Variants in CREBRF observed in about 807,000 individuals in gnomAD.
CREBRF encodes the protein UPF0474 protein C5orf41.
Under a neutral mutation model 66.1 loss-of-function variants are expected in CREBRF, and 5 were observed. The observed-to-expected ratio is 0.08, with a 90% CI of 0.04 to 0.16. The LOEUF (loss-of-function observed/expected upper bound fraction) is 0.16, where lower values mean the gene tolerates loss of function less well. Among genes scored for constraint, CREBRF ranks in the 10% least tolerant of loss-of-function variants. The pLI, the probability that CREBRF is intolerant of heterozygous loss-of-function variation, is 1.00. For missense variants in CREBRF, 531 were observed against 744.9 expected (o/e 0.71, Z 3.34); for synonymous variants, 229 against 264.4 (o/e 0.87, Z 1.30).
chr5:173,091,447 A>C lies in CREBRF; in HGVS notation c.1222+46A>C, dbSNP rs751407682. Reference sequence around the variant, plus strand: ...TTACCAGACTGACCTTTGTATTACTATTTTGAAATAGAAAGGTTTTTGTTT... The same window carrying C: ...TTACCAGACTGACCTTTGTATTACTCTTTTGAAATAGAAAGGTTTTTGTTT... On this transcript the variant is annotated intron_variant, in intron 4 of 8. Transcript: ENST00000296953. 3.2e-6 allele frequency: 5 copies of C among 1,565,198 alleles called. No individual in the cohort carries two copies. In the Admixed American group the frequency reaches 5.8e-5, roughly 18 times the overall value.
At chr5:173,129,540 A>G (rs1271387854) in intron 8 of CREBRF, among the ~76,000 whole-genome samples, 2 of 151,970 alleles carry the variant, frequency 1.3e-5, no homozygotes, top group African/African-American at 4.8e-5. Context: ...TGGGCAACAT[A>G]AGGAGACCCC....
At chr5:173,065,641 CCTTTT>C (rs1757413510) in intron 1 of CREBRF, among the ~76,000 whole-genome samples, 2 of 100,256 alleles carry the variant, frequency 2.0e-5, no homozygotes, top group Admixed American at 1.3e-4. Context: ...ATATTTCTTT[CCTTTT>C]CTTTTCCTTT....
chr5:173,092,618 G>T (rs1303881264), intron 4 of CREBRF, among the ~76,000 whole-genome samples: 1 of 152,076 alleles, frequency 6.6e-6, no homozygotes, highest in Non-Finnish European at 1.5e-5. Flanking sequence ...ATCAAAGAGA[G>T]CCCTTTTGTT....
At chr5:173,086,010 G>C in intron 2 of CREBRF, 3 of 1,359,406 alleles carry the variant, frequency 2.2e-6, no homozygotes, top group Non-Finnish European at 3.2e-6. Context: ...TAACTCAGCG[G>C]TCATAATCTG....
intron 7 of CREBRF, among the ~76,000 whole-genome samples, chr5:173,117,813 C>T (rs112356729): frequency 0.12 from 18,205 of 149,666 alleles, 1,165 homozygotes; most frequent in South Asian, 0.15. Flanking sequence ...CAGGTTCAAG[C>T]GATTCTCGTG....
chr5:173,102,181 A>G (rs746382398), intron 4 of CREBRF, among the ~76,000 whole-genome samples: 10 of 152,164 alleles, frequency 6.6e-5, no homozygotes, highest in Non-Finnish European at 1.0e-4. Flanking sequence ...TAAGACAATT[A>G]TTTTGAATTC....
rs74987444 is a variant in CREBRF at position 173,119,403 on chromosome 5, G to A, written c.1682-3677G>A. ...AGTGCTTGAACATCTTTTATTAGATGTAGTCCTGAGTATTTTATGTTTTTT... is the reference window on the plus strand; with the variant it reads ...AGTGCTTGAACATCTTTTATTAGATATAGTCCTGAGTATTTTATGTTTTTT... On this transcript the variant is annotated intron_variant, in intron 7 of 8. Transcript: ENST00000296953. Among the ~76,000 whole-genome samples, 697 of 152,250 alleles carry A rather than the reference G, an allele frequency of 4.6e-3. 3 individuals carry two copies. The highest frequency in any genetic ancestry group is 0.016 in the African/African-American group (668 of 41,544).
At chr5:173,117,959 C>T (rs576374112) in intron 7 of CREBRF, among the ~76,000 whole-genome samples, 16 of 151,682 alleles carry the variant, frequency 1.1e-4, no homozygotes, top group African/African-American at 3.1e-4. Flanking sequence ...CTGCAAGCTC[C>T]ATCTCCTGGG....
At chr5:173,079,288 A>G (rs1308348275) in intron 1 of CREBRF, among the ~76,000 whole-genome samples, 1 of 151,998 alleles carries the variant, frequency 6.6e-6, no homozygotes, top group East Asian at 1.9e-4. Flanking sequence ...CAGTTTATTA[A>G]TCTAATTAAG....
intron 7 of CREBRF, among the ~76,000 whole-genome samples, chr5:173,117,272 C>T (rs554578847): frequency 6.6e-6 from 1 of 151,228 alleles, no homozygotes; most frequent in African/African-American, 2.4e-5. Flanking sequence ...CCTAGCTACT[C>T]GTGAGGCTGA....
chr5:173,105,249 G>A (rs952036272), intron 4 of CREBRF, among the ~76,000 whole-genome samples: 1 of 151,874 alleles, frequency 6.6e-6, no homozygotes, highest in African/African-American at 2.4e-5. Context: ...GTGTGTGTGT[G>A]TGTGTGTACA....
At chr5:173,112,622 A>G (rs1209601018) in intron 7 of CREBRF, among the ~76,000 whole-genome samples, 1 of 152,226 alleles carries the variant, frequency 6.6e-6, no homozygotes, top group Non-Finnish European at 1.5e-5. Flanking sequence ...AAGCTGATCC[A>G]CATTGTGACC....
chr5:173,084,711 G>A (rs374012690), intron 2 of CREBRF, among the ~76,000 whole-genome samples: 17 of 152,046 alleles, frequency 1.1e-4, no homozygotes, highest in African/African-American at 4.1e-4. Context: ...GCACGATCTC[G>A]GCTCACTGCA....
At chr5:173,101,973 T>G (rs1016992160) in intron 4 of CREBRF, among the ~76,000 whole-genome samples, 1 of 152,214 alleles carries the variant, frequency 6.6e-6, no homozygotes, top group African/African-American at 2.4e-5. Context: ...TTCTTTATTC[T>G]TTTTCATTCC....
At chr5:173,093,573 G>T (rs1274162664) in intron 4 of CREBRF, among the ~76,000 whole-genome samples, 1 of 152,170 alleles carries the variant, frequency 6.6e-6, no homozygotes. Context: ...CTGGAGTGCG[G>T]TGGCACAATC....
intron 4 of CREBRF, among the ~76,000 whole-genome samples, chr5:173,099,055 T>G (rs1341881961): frequency 1.3e-5 from 2 of 152,278 alleles, no homozygotes; most frequent in East Asian, 3.9e-4. Context: ...GTTTTTGATT[T>G]AACATCTATT....
intron 1 of CREBRF, among the ~76,000 whole-genome samples, chr5:173,072,354 C>G (rs985783368): frequency 6.6e-6 from 1 of 152,008 alleles, no homozygotes; most frequent in African/African-American, 2.4e-5. Flanking sequence ...GGGCTCACTG[C>G]AAGCTCTGCC....
intron 4 of CREBRF, among the ~76,000 whole-genome samples, chr5:173,105,223 ATATGTGTG>A (rs974033849): frequency 7.3e-6 from 1 of 136,060 alleles, no homozygotes; most frequent in African/African-American, 2.8e-5. Flanking sequence ...ATGTGTGTAT[ATATGTGTG>A]TGTGTGTGTG....
At chr5:173,119,668 A>T (rs952269697) in intron 7 of CREBRF, among the ~76,000 whole-genome samples, 1 of 152,152 alleles carries the variant, frequency 6.6e-6, no homozygotes. Flanking sequence ...ACAATATTAA[A>T]TAGAGTGGTG....
Sources: gnomAD v4.1 joint callset for allele counts (sites outside exome capture counted in the v4.1 genomes callset) on GRCh38, gnomAD v4.1.1 for gene constraint, MANE v1.5 for transcripts, NCBI Gene and HGNC (gene_info 2026-07-23, HGNC 2026-07-21) for gene names.